COX11: variants seen among roughly 807,000 people sequenced by gnomAD.
COX11 encodes cytochrome c oxidase assembly protein COX11, mitochondrial.
In COX11, 18 loss-of-function variants were observed where a neutral mutation model predicts 29.4. That is an observed-to-expected ratio of 0.61 (90% confidence interval 0.42 to 0.91). The LOEUF (loss-of-function observed/expected upper bound fraction) is 0.91, where lower values mean the gene tolerates loss of function less well. Ranked by LOEUF, COX11 falls within the 40% of genes least tolerant of loss-of-function variation. The pLI, the probability that COX11 is intolerant of heterozygous loss-of-function variation, is 0.00. For missense variants in COX11, 312 were observed against 346.0 expected (o/e 0.90, Z 0.78); for synonymous variants, 131 against 124.0 (o/e 1.06, Z -0.38).
At position 54,960,591 on chromosome 17, in the gene COX11, C is replaced by A; in HGVS notation, c.*2142G>T. ...AGCTATTTATGAAGAAATTGATGCT[C>A]ACCAGCACAAAGGAGCTCAAAATGA... On this transcript the variant is annotated 3_prime_UTR_variant, in exon 4 of 4. Transcript: ENST00000299335. 6.2e-7 allele frequency: 1 copy of A among 1,613,180 alleles called. No homozygotes were observed. The highest frequency in any genetic ancestry group is 2.2e-5 in the East Asian group (1 of 44,842).
At chr17:54,953,456 C>T (rs2049337078) in exon 1 of COX11, 1 of 152,314 alleles carries the variant, frequency 6.6e-6, no homozygotes, top group South Asian at 2.1e-4. Flanking sequence ...TTTGAGGAGC[C>T]AGGCAGGGAG....
At chr17:54,964,876 TAAAC>T in intron 1 of COX11, 24 bp from the exon 2 acceptor site, 5 of 1,604,228 alleles carry the variant, frequency 3.1e-6, no homozygotes, top group Non-Finnish European at 4.3e-6. Context: ...CCAAATATGT[TAAAC>T]AATACTTTTA....
In COX11 at chr17:54,962,860, A is replaced by G. The variant is rs1489655775; in HGVS notation, c.704T>C (p.Val235Ala). The part of the protein sequence containing the change: ...LNPQEEVDMP[V>A]FFYIDPEFAE... ...AAATTCAGGATCAATGTAGAAAAAC[A>G]CTGGCATATCTACTTCCTCTTGGGG... is the stretch of plus-strand genomic sequence containing the variant. Residue 235 changes from valine (V) to alanine (A), a missense_variant, in exon 4 of 4, where the codon GTG becomes GCG. Physicochemically the swap from Val to Ala is moderately conservative, Grantham distance 64. Transcript: ENST00000299335. 6.2e-7 allele frequency: 1 copy of G among 1,613,192 alleles called. No homozygotes were observed. The highest frequency in any genetic ancestry group is 1.1e-5 in the South Asian group (1 of 91,038).
chr17:54,962,046 A>AT lies in COX11; in HGVS notation c.*686dup. The AT allele has an allele frequency of 1.0e-6, 1 of 984,738 alleles. No individual in the cohort carries two copies. Among genetic ancestry groups the AT allele is most frequent in the South Asian group, 4.7e-5 (1 of 21,272 alleles). 61.0% of individuals were successfully genotyped at this position (984,738 alleles called of 1,614,324 possible). A position where few individuals can be genotyped will look rare whatever the true frequency, so the allele number is the denominator to read the frequency against. ...CACAATCCCACCTGTACATTTTAAC[A>AT]TTCATGGACTTGTAATGGTGATGCT... On this transcript the variant is annotated 3_prime_UTR_variant, in exon 4 of 4. Transcript: ENST00000299335.
At chr17:54,958,614 C>T (rs999488021), downstream of COX11, among the ~76,000 whole-genome samples, 3 of 151,988 alleles carry the variant, frequency 2.0e-5, no homozygotes, top group South Asian at 4.2e-4. Context: ...GTCTGTAATT[C>T]CAACTATTCG....
rs1428267139 is a variant in COX11, at chr17:54,960,588, G to A, written c.*2145C>T. 1 of 1,613,096 alleles carries A rather than the reference G, an allele frequency of 6.2e-7. No individual in the cohort carries two copies. Among genetic ancestry groups the A allele is most frequent in the African/African-American group, 1.3e-5 (1 of 74,884 alleles). On this transcript the variant is annotated 3_prime_UTR_variant, in exon 4 of 4. Transcript: ENST00000299335. ...CAGAGCTATTTATGAAGAAATTGAT[G>A]CTCACCAGCACAAAGGAGCTCAAAA...
intron 1 of COX11, 139 bp downstream of exon 1, chr17:54,968,142 T>C (rs1039670381): frequency 7.3e-7 from 1 of 1,362,308 alleles, no homozygotes; most frequent in Non-Finnish European, 9.8e-7. Context: ...GTGACTGTTT[T>C]GAACCTCTCT....
chr17:54,958,775 A>G (rs1301584242), downstream of COX11, among the ~76,000 whole-genome samples: 1 of 149,850 alleles, frequency 6.7e-6, no homozygotes, highest in African/African-American at 2.4e-5. Context: ...AGAGGATACT[A>G]AGGCATTTAC....
rs1391656698 is a variant in COX11 at position 54,961,306 on chromosome 17, T to G, written c.*1427A>C. ...TCTAAAACGTAGACTCTGTGCAGCTTTGAAGCCTGGAAGACAATACCTACC... is the reference window on the plus strand; with the variant it reads ...TCTAAAACGTAGACTCTGTGCAGCTGTGAAGCCTGGAAGACAATACCTACC... On this transcript the variant is annotated 3_prime_UTR_variant, in exon 4 of 4. Transcript: ENST00000299335. 1 of 1,551,444 alleles carries G rather than the reference T, an allele frequency of 6.4e-7. No homozygotes were observed. Among genetic ancestry groups the G allele is most frequent in the African/African-American group, 1.4e-5 (1 of 73,050 alleles).
chr17:54,953,702 G>C (rs1297680472), exon 1 of COX11: 3 of 152,234 alleles, frequency 2.0e-5, no homozygotes, highest in Non-Finnish European at 2.9e-5. Context: ...TAGTCTGTAG[G>C]GCTGCCGCAT....
intron 3 of COX11, 126 bp downstream of exon 3, chr17:54,963,180 A>G (rs903829748): frequency 1.9e-5 from 21 of 1,107,104 alleles, no homozygotes; most frequent in South Asian, 1.6e-4. Context: ...ATAGTGAAGA[A>G]AAATAGCTTG....
intron 2 of COX11, 100 bp downstream of exon 2, chr17:54,964,597 A>G: frequency 9.2e-7 from 1 of 1,087,862 alleles, no homozygotes; most frequent in Middle Eastern, 2.3e-4. Flanking sequence ...ATGTTTTATT[A>G]GAATCATAGT....
rs2077323988 is a variant in COX11, at chr17:54,968,641, T to G, written c.6A>C (p.Gly2=). 6.2e-7 allele frequency: 1 copy of G among 1,611,318 alleles called. No individual in the cohort carries two copies. The highest frequency in any genetic ancestry group is 8.5e-7 in the Non-Finnish European group (1 of 1,179,670). ...ACCTCCATCCAGGACGCCAGAGCCCTCCCATAACCCTCTGAACTAACACCC... is the reference window on the plus strand; with the variant it reads ...ACCTCCATCCAGGACGCCAGAGCCCGCCCATAACCCTCTGAACTAACACCC... M[G]GLWRPGWRCV... is the part of the protein sequence containing the mutation. The change falls in exon 1 of 4, where the codon GGA becomes GGC. Residue 2 remains glycine, a synonymous_variant. Coordinates refer to ENST00000299335, the MANE Select transcript of COX11 (RefSeq NM_004375.5).
In COX11 at chr17:54,962,092, T is replaced by A; in HGVS notation, c.*641A>T. 15 of 967,864 alleles carry A rather than the reference T, an allele frequency of 1.5e-5. No individual in the cohort carries two copies. Among genetic ancestry groups the A allele is most frequent in the Non-Finnish European group, 1.8e-5 (15 of 813,712 alleles). 60.0% of individuals were successfully genotyped at this position (967,864 alleles called of 1,614,324 possible). A position where few individuals can be genotyped will look rare whatever the true frequency, so the allele number is the denominator to read the frequency against. On this transcript the variant is annotated 3_prime_UTR_variant, in exon 4 of 4. Transcript: ENST00000299335. ...ATGCTTTGGCTAACAGCCTAGTAGATGTATTTTATTTCAATTTTATGATAC... is the reference window on the plus strand; with the variant it reads ...ATGCTTTGGCTAACAGCCTAGTAGAAGTATTTTATTTCAATTTTATGATAC...
At chr17:54,960,063 T>C (rs377017570), downstream of COX11, among the ~76,000 whole-genome samples, 225 of 152,070 alleles carry the variant, frequency 1.5e-3, 7 homozygotes, top group South Asian at 0.045. Context: ...TTAAGAGACA[T>C]AGGAATTGCA....
In COX11 at chr17:54,963,396, T is replaced by A; in HGVS notation, c.558A>T (p.Arg186Ser). Residue 186 changes from arginine to serine, a missense_variant, in exon 3 of 4, where the codon AGA (arginine) becomes AGT (serine). Around this residue, in one of 2 missense-constraint regions of COX11, gnomAD observed 182 missense variants for 240.0 expected, o/e 0.76. Coordinates refer to ENST00000299335, the MANE Select transcript of COX11 (RefSeq NM_004375.5). ...VPGETALAFY[R>S]AKNPTDKPVI... ...CTGGTTTGTCAGTAGGATTCTTAGC[T>A]CTGTAAAACGCCAGTGCAGTCTCTC... is the stretch of plus-strand genomic sequence containing the variant. 4 of 1,612,218 alleles carry A rather than the reference T, an allele frequency of 2.5e-6. No homozygotes were observed. In the East Asian group the frequency reaches 8.9e-5, roughly 36 times the overall value.
downstream of COX11, among the ~76,000 whole-genome samples, chr17:54,958,883 T>C (rs1289937820): frequency 1.3e-5 from 2 of 152,026 alleles, no homozygotes; most frequent in Non-Finnish European, 2.9e-5. Context: ...GGATCTGGCA[T>C]AGAAGGAGAG....
chr17:54,965,835 GAAA>G (rs58420034), intron 1 of COX11, among the ~76,000 whole-genome samples: 3 of 143,512 alleles, frequency 2.1e-5, no homozygotes, highest in South Asian at 4.6e-4. Context: ...CATCTCAAAA[GAAA>G]AAAAAAAACG....
At chr17:54,968,730 T>A, upstream of COX11, 2 of 1,474,856 alleles carry the variant, frequency 1.4e-6, no homozygotes, top group Non-Finnish European at 1.8e-6. Context: ...GAGATCTGGG[T>A]TGAGCCTGCC....
Sources: allele counts gnomAD v4.1 joint callset (sites outside exome capture counted in the v4.1 genomes callset), GRCh38; gene constraint gnomAD v4.1.1; regional missense constraint gnomAD v4.1.1; transcripts MANE v1.5; gene names NCBI Gene and HGNC (gene_info 2026-07-23, HGNC 2026-07-21).